ADGRL3: variants seen among roughly 807,000 people sequenced by gnomAD.
The protein encoded by ADGRL3 is calcium-independent alpha-latrotoxin receptor 3.
ADGRL3 carries 62 observed loss-of-function variants against 153.5 expected under a neutral mutation model. That is an observed-to-expected ratio of 0.40 (90% confidence interval 0.33 to 0.50). The LOEUF is 0.50. ADGRL3 is among the 20% of genes least tolerant of loss of function. The pLI is 0.47. For synonymous variants in ADGRL3, 710 were observed against 672.5 expected (o/e 1.06, Z -0.86); for missense variants, 1,641 against 1,859.4 (o/e 0.88, Z 2.16).
intron 5 of ADGRL3, among the ~76,000 whole-genome samples, chr4:61,623,089 C>A (rs1006837117): frequency 5.3e-5 from 8 of 152,066 alleles, no homozygotes; most frequent in Non-Finnish European, 8.8e-5. Flanking sequence ...GCCTTTATAA[C>A]CAAGCATTAA....
intron 5 of ADGRL3, among the ~76,000 whole-genome samples, chr4:61,661,668 C>T (rs13142656): frequency 0.59 from 89,427 of 151,886 alleles, 27,757 homozygotes; most frequent in Non-Finnish European, 0.72. Context: ...TTCTGAAGTT[C>T]AAGACATAAA....
chr4:61,456,489 ATATATC>A (rs1160850930), intron 2 of ADGRL3, among the ~76,000 whole-genome samples: 39 of 134,250 alleles, frequency 2.9e-4, no homozygotes, highest in Non-Finnish European at 2.8e-4. Context: ...ATATATATAG[ATATATC>A]TATATCTATA....
intron 1 of ADGRL3, among the ~76,000 whole-genome samples, chr4:61,336,858 CTTTT>C (rs573900304): frequency 7.5e-6 from 1 of 134,158 alleles, no homozygotes; most frequent in African/African-American, 2.7e-5. Context: ...CTTACAGTTC[CTTTT>C]TTTTTTTTTT....
chr4:61,918,148 T>C (rs1189507730), intron 13 of ADGRL3, among the ~76,000 whole-genome samples: 1 of 152,088 alleles, frequency 6.6e-6, no homozygotes, highest in Non-Finnish European at 1.5e-5. Context: ...CAGAGGTTTT[T>C]AAAAAAATGA....
chr4:61,497,811 A>G (rs896848695), intron 3 of ADGRL3, among the ~76,000 whole-genome samples: 6 of 151,770 alleles, frequency 4.0e-5, no homozygotes, highest in African/African-American at 1.5e-4. Context: ...GGCGTGAGCC[A>G]CCGCGCCCAG....
At chr4:61,233,075 C>G (rs1751427575) in intron 1 of ADGRL3, among the ~76,000 whole-genome samples, 1 of 152,148 alleles carries the variant, frequency 6.6e-6, no homozygotes, top group Non-Finnish European at 1.5e-5. Context: ...ATTACAATTA[C>G]TACTAAAATT....
At chr4:61,510,434 T>G (rs114421910) in intron 3 of ADGRL3, among the ~76,000 whole-genome samples, 4,054 of 152,278 alleles carry the variant, frequency 0.027, 139 homozygotes, top group African/African-American at 0.079. Flanking sequence ...AATTTTTGCA[T>G]ATGCTGAAAA....
chr4:61,604,911 G>A (rs762879469), intron 5 of ADGRL3, among the ~76,000 whole-genome samples: 3 of 151,880 alleles, frequency 2.0e-5, no homozygotes, highest in Non-Finnish European at 4.4e-5. Flanking sequence ...CCAACATGGA[G>A]AAATCCCATC....
At chr4:61,218,953 T>C (rs1744135860) in intron 1 of ADGRL3, among the ~76,000 whole-genome samples, 1 of 152,182 alleles carries the variant, frequency 6.6e-6, no homozygotes. Context: ...GATCAGATTT[T>C]CATTTTAAAA....
chr4:61,517,882 G>C (rs951046433), intron 4 of ADGRL3, among the ~76,000 whole-genome samples: 3 of 152,010 alleles, frequency 2.0e-5, no homozygotes, highest in African/African-American at 7.2e-5. Context: ...CTGCTTGTTT[G>C]AAAAAATTTT....
intron 9 of ADGRL3, among the ~76,000 whole-genome samples, chr4:61,844,505 C>T (rs1014003655): frequency 1.6e-5 from 2 of 124,996 alleles, no homozygotes; most frequent in African/African-American, 3.2e-5. Context: ...CAAGATCATG[C>T]CATTGCACTC....
chr4:62,006,182 G>A (rs2099158497), intron 21 of ADGRL3, among the ~76,000 whole-genome samples: 1 of 151,044 alleles, frequency 6.6e-6, no homozygotes, highest in Non-Finnish European at 1.5e-5. Flanking sequence ...TTACATGCAT[G>A]TGCCATCATG....
At chr4:62,001,953 A>G (rs2099141930) in intron 21 of ADGRL3, among the ~76,000 whole-genome samples, 1 of 152,190 alleles carries the variant, frequency 6.6e-6, no homozygotes, top group Admixed American at 6.5e-5. Context: ...GTTACCAAGT[A>G]TTTGTTGCTT....
intron 19 of ADGRL3, among the ~76,000 whole-genome samples, chr4:61,988,871 C>G (rs539856362): frequency 6.6e-6 from 1 of 152,062 alleles, no homozygotes; most frequent in East Asian, 1.9e-4. Flanking sequence ...AAGTCATGAA[C>G]ATTTATAATT....
chr4:61,631,898 A>T (rs1424257627), intron 5 of ADGRL3, among the ~76,000 whole-genome samples: 1 of 151,880 alleles, frequency 6.6e-6, no homozygotes, highest in Non-Finnish European at 1.5e-5. Context: ...AAGTGCTGGG[A>T]TTACAGGCGT....
At chr4:61,376,227 A>G (rs1219094582) in intron 1 of ADGRL3, among the ~76,000 whole-genome samples, 1 of 152,126 alleles carries the variant, frequency 6.6e-6, no homozygotes, top group Non-Finnish European at 1.5e-5. Flanking sequence ...ATTACCATTT[A>G]AAAGTATAGA....
intron 3 of ADGRL3, among the ~76,000 whole-genome samples, chr4:61,513,032 A>G (rs1250379111): frequency 6.6e-6 from 1 of 152,174 alleles, no homozygotes; most frequent in Non-Finnish European, 1.5e-5. Flanking sequence ...TTAGTTTATG[A>G]AAATTAAAGC....
At chr4:62,033,276 T>G (rs1723167262) in intron 23 of ADGRL3, among the ~76,000 whole-genome samples, 1 of 151,634 alleles carries the variant, frequency 6.6e-6, no homozygotes, top group Admixed American at 6.6e-5. Context: ...TTTTATCAGA[T>G]AGGGTTCTAT....
chr4:61,708,138 G>A (rs971364733), intron 6 of ADGRL3, among the ~76,000 whole-genome samples: 1 of 151,912 alleles, frequency 6.6e-6, no homozygotes, highest in African/African-American at 2.4e-5. Context: ...GTTTAGTACT[G>A]CAAATATTTT....
Sources: allele counts gnomAD v4.1 joint callset (sites outside exome capture counted in the v4.1 genomes callset), GRCh38; gene constraint gnomAD v4.1.1; transcripts MANE v1.5; gene names NCBI Gene and HGNC (gene_info 2026-07-23, HGNC 2026-07-21).